RANBP2: variants seen among roughly 807,000 people sequenced by gnomAD.
RANBP2 encodes RAN binding protein 2, also known as E3 SUMO-protein ligase RanBP2.
Under a neutral mutation model 303.6 loss-of-function variants are expected in RANBP2, and 57 were observed. The ratio of observed to expected loss-of-function variants is 0.19; its 90% CI spans 0.15 to 0.23. The LOEUF (loss-of-function observed/expected upper bound fraction) is 0.23. Ranked by LOEUF, RANBP2 falls within the 10% of genes least tolerant of loss-of-function variation. RANBP2 has a pLI of 1.00. For missense variants in RANBP2, 3,138 were observed against 3,780.8 expected (o/e 0.83, Z 4.46); for synonymous variants, 1,167 against 1,301.5 (o/e 0.90, Z 2.23).
At chr2:109,129,123 C>T in the RANBP2 span, 1 of 346,696 alleles carries the variant, frequency 2.9e-6, no homozygotes, top group Non-Finnish European at 5.5e-6. Flanking sequence ...GCACGCCGCG[C>T]CCCGGCCTCC....
chr2:109,185,809 C>T, the RANBP2 span, among the ~76,000 whole-genome samples: 1 of 152,232 alleles, frequency 6.6e-6, no homozygotes, highest in Non-Finnish European at 1.5e-5. Flanking sequence ...TATTAATCTT[C>T]TGTGGCACTG....
chr2:109,216,649 G>A, the RANBP2 span, among the ~76,000 whole-genome samples: 10 of 152,244 alleles, frequency 6.6e-5, no homozygotes, highest in African/African-American at 2.4e-4. Flanking sequence ...CACCCTGCAT[G>A]CTCACTGGAA....
At chr2:109,767,384 A>G in the RANBP2 span, among the ~76,000 whole-genome samples, 2 of 145,632 alleles carry the variant, frequency 1.4e-5, no homozygotes, top group Non-Finnish European at 3.0e-5. Flanking sequence ...TACTACTCAC[A>G]TATGTAGATC....
chr2:109,591,142 A>G, the RANBP2 span, among the ~76,000 whole-genome samples: 3 of 152,220 alleles, frequency 2.0e-5, no homozygotes, highest in Non-Finnish European at 4.4e-5. Context: ...TGTTATCTTC[A>G]TATTTTTTTA....
the RANBP2 span, chr2:109,552,765 C>A: frequency 1.4e-3 from 327 of 228,258 alleles, 1 homozygote; most frequent in Admixed American, 3.4e-3. Context: ...AATTGTATAC[C>A]GTGGATTCAA....
the RANBP2 span, among the ~76,000 whole-genome samples, chr2:109,229,357 A>G: frequency 6.6e-6 from 1 of 152,156 alleles, no homozygotes; most frequent in Non-Finnish European, 1.5e-5. Flanking sequence ...CATTAACATG[A>G]TAGTTCTCCA....
At chr2:109,002,307 G>A in the RANBP2 span, among the ~76,000 whole-genome samples, 3 of 152,148 alleles carry the variant, frequency 2.0e-5, no homozygotes, top group Admixed American at 6.5e-5. Flanking sequence ...CTTGTGAGCC[G>A]GGATTCCACT....
the RANBP2 span, among the ~76,000 whole-genome samples, chr2:109,066,387 G>T: frequency 6.6e-6 from 1 of 152,154 alleles, no homozygotes; most frequent in Non-Finnish European, 1.5e-5. Context: ...GATTATAGGC[G>T]TGAGCCACCG....
chr2:109,263,440 A>G, the RANBP2 span, among the ~76,000 whole-genome samples: 4 of 152,196 alleles, frequency 2.6e-5, no homozygotes, highest in East Asian at 1.9e-4. Flanking sequence ...ACAGCCTTCA[A>G]TCAAATAAGT....
chr2:109,191,081 A>G, the RANBP2 span, among the ~76,000 whole-genome samples: 1 of 152,120 alleles, frequency 6.6e-6, no homozygotes, highest in East Asian at 1.9e-4. Context: ...GTATTCGGAA[A>G]GTAGCTGTAG....
At chr2:108,918,773 A>G in the RANBP2 span, among the ~76,000 whole-genome samples, 5 of 152,152 alleles carry the variant, frequency 3.3e-5, no homozygotes, top group South Asian at 2.1e-4. Context: ...AGGTCTGTTA[A>G]TCCACACAAT....
At chr2:109,166,149 A>G in the RANBP2 span, among the ~76,000 whole-genome samples, 12 of 152,274 alleles carry the variant, frequency 7.9e-5, no homozygotes, top group African/African-American at 2.9e-4. Flanking sequence ...ACTTCTTAAT[A>G]TGGTTGGCTT....
the RANBP2 span, among the ~76,000 whole-genome samples, chr2:109,668,509 A>G: frequency 1.3e-5 from 2 of 152,242 alleles, no homozygotes; most frequent in Non-Finnish European, 2.9e-5. Flanking sequence ...AAAATCCCAC[A>G]GGCAACACTT....
chr2:108,868,551 T>TA, the RANBP2 span, among the ~76,000 whole-genome samples: 789 of 152,280 alleles, frequency 5.2e-3, 7 homozygotes, highest in African/African-American at 0.018. Flanking sequence ...CTGTAACACC[T>TA]AAAAACTTTC....
the RANBP2 span, among the ~76,000 whole-genome samples, chr2:108,843,560 G>C: frequency 1.3e-5 from 2 of 152,160 alleles, no homozygotes; most frequent in African/African-American, 4.8e-5. Context: ...AGATTCTAGT[G>C]TGACAGTTCT....
the RANBP2 span, among the ~76,000 whole-genome samples, chr2:109,473,855 C>T: frequency 5.3e-5 from 8 of 152,022 alleles, no homozygotes; most frequent in Admixed American, 2.0e-4. Context: ...GTCCCTGAAC[C>T]GCTCTCCTTG....
At chr2:108,914,883 T>C in the RANBP2 span, among the ~76,000 whole-genome samples, 1 of 152,186 alleles carries the variant, frequency 6.6e-6, no homozygotes, top group Non-Finnish European at 1.5e-5. Flanking sequence ...GCAGCAAGGC[T>C]TCCGGGAGAA....
At chr2:108,867,003 A>G in the RANBP2 span, among the ~76,000 whole-genome samples, 738 of 152,234 alleles carry the variant, frequency 4.8e-3, 11 homozygotes, top group African/African-American at 0.017. Context: ...TTATATTGTT[A>G]TATTGTTTAT....
the RANBP2 span, among the ~76,000 whole-genome samples, chr2:109,138,780 T>G: frequency 1.3e-5 from 2 of 152,240 alleles, no homozygotes; most frequent in Non-Finnish European, 2.9e-5. Flanking sequence ...TCTTGAAGAC[T>G]GGCCCAGAAC....
Sources: allele counts gnomAD v4.1 joint callset (sites outside exome capture counted in the v4.1 genomes callset), GRCh38; gene constraint gnomAD v4.1.1; transcripts MANE v1.5; gene names NCBI Gene and HGNC (gene_info 2026-07-23, HGNC 2026-07-21).